The following SGCZ variants were observed in gnomAD, a reference collection of about 807,000 sequenced individuals.
SGCZ encodes the protein sarcoglycan zeta.
In SGCZ, 40 loss-of-function variants were observed where a neutral mutation model predicts 41.3. The observed-to-expected ratio is 0.97, with a 90% confidence interval of 0.75 to 1.26. The LOEUF is 1.26. SGCZ is among the 50% of genes most tolerant of loss of function. The probability of loss-of-function intolerance (pLI) is 0.00; values close to 1 mark genes in which losing one functional copy is unlikely to be tolerated. For missense variants in SGCZ, 552 were observed against 369.8 expected (o/e 1.49, Z -4.04); for synonymous variants, 206 against 137.5 (o/e 1.50, Z -3.49).
chr8:14,898,241 T>G (rs140318821), intron 1 of SGCZ, among the ~76,000 whole-genome samples: 2 of 152,090 alleles, frequency 1.3e-5, no homozygotes, highest in Non-Finnish European at 2.9e-5. Context: ...TGAGCCACCA[T>G]ATGCGGCCAG....
intron 1 of SGCZ, among the ~76,000 whole-genome samples, chr8:14,861,638 A>G (rs917496656): frequency 6.6e-6 from 1 of 152,252 alleles, no homozygotes; most frequent in Middle Eastern, 3.4e-3. Context: ...GATTCCGTAA[A>G]AGATAGAAAC....
At chr8:14,779,402 A>T (rs2130428517) in intron 1 of SGCZ, among the ~76,000 whole-genome samples, 1 of 152,242 alleles carries the variant, frequency 6.6e-6, no homozygotes, top group East Asian at 1.9e-4. Flanking sequence ...ATGCCCTTTG[A>T]AAGTGCATCC....
At chr8:14,870,646 G>T (rs1245835232) in intron 1 of SGCZ, among the ~76,000 whole-genome samples, 1 of 151,960 alleles carries the variant, frequency 6.6e-6, no homozygotes, top group Non-Finnish European at 1.5e-5. Context: ...AGAGTGAACA[G>T]GCAACCTACA....
intron 2 of SGCZ, among the ~76,000 whole-genome samples, chr8:14,402,296 G>C (rs1289924434): frequency 1.3e-5 from 2 of 151,220 alleles, no homozygotes; most frequent in Admixed American, 1.3e-4. Flanking sequence ...AGTTTAATTA[G>C]ATCCCATTTG....
intron 1 of SGCZ, among the ~76,000 whole-genome samples, chr8:14,566,555 T>G (rs1368928489): frequency 6.6e-6 from 1 of 152,256 alleles, no homozygotes; most frequent in Non-Finnish European, 1.5e-5. Flanking sequence ...ACCTATATCA[T>G]GAGTACAATT....
intron 3 of SGCZ, among the ~76,000 whole-genome samples, chr8:14,313,543 C>G (rs942079082): frequency 2.0e-5 from 3 of 152,108 alleles, no homozygotes; most frequent in Non-Finnish European, 2.9e-5. Context: ...TCTCAAACAC[C>G]CGACCTAAAA....
chr8:14,922,303 A>C (rs2130792913), intron 1 of SGCZ, among the ~76,000 whole-genome samples: 1 of 152,270 alleles, frequency 6.6e-6, no homozygotes, highest in South Asian at 2.1e-4. Flanking sequence ...CTGAAGGATT[A>C]AAGACAGTCT....
In SGCZ at chr8:14,906,246, G is replaced by C. The variant is rs558463675; in HGVS notation, c.39+331339C>G. Among the ~76,000 whole-genome samples, 162 of 152,170 alleles carry C rather than the reference G, an allele frequency of 1.1e-3. 2 individuals carry two copies. Among genetic ancestry groups the C allele is most frequent in the African/African-American group, 3.8e-3 (157 of 41,530 alleles). On this transcript the variant is annotated intron_variant, in intron 1 of 7. Transcript: ENST00000382080. Reference sequence around the variant, plus strand: ...GAGTTTTATATAAGGAACTGTTTGTGGAAAATATGAGGATCATAATAGCTT... The same window carrying C: ...GAGTTTTATATAAGGAACTGTTTGTCGAAAATATGAGGATCATAATAGCTT...
chr8:15,051,829 G>C (rs569913045), intron 1 of SGCZ, among the ~76,000 whole-genome samples: 4 of 152,238 alleles, frequency 2.6e-5, no homozygotes, highest in African/African-American at 9.6e-5. Flanking sequence ...GCATCAAAAA[G>C]TCAAACTGCA....
chr8:14,195,439 G>A (rs1014006647), intron 4 of SGCZ, among the ~76,000 whole-genome samples: 25 of 152,072 alleles, frequency 1.6e-4, no homozygotes, highest in African/African-American at 6.0e-4. Context: ...CACGTACTTA[G>A]AATTTGGAGT....
chr8:14,935,119 G>A (rs995975620), intron 1 of SGCZ, among the ~76,000 whole-genome samples: 3 of 151,270 alleles, frequency 2.0e-5, no homozygotes, highest in Non-Finnish European at 4.4e-5. Flanking sequence ...AAAAGTGCAA[G>A]TATAAATTAT....
chr8:14,957,740 G>A (rs1435071635), intron 1 of SGCZ, among the ~76,000 whole-genome samples: 1 of 151,882 alleles, frequency 6.6e-6, no homozygotes, highest in Non-Finnish European at 1.5e-5. Flanking sequence ...GTTACGTATT[G>A]TGAATATACA....
intron 1 of SGCZ, among the ~76,000 whole-genome samples, chr8:15,151,062 A>G (rs1476599316): frequency 6.6e-6 from 1 of 152,240 alleles, no homozygotes; most frequent in Non-Finnish European, 1.5e-5. Flanking sequence ...GTACATACAC[A>G]CAGACACACA....
intron 1 of SGCZ, among the ~76,000 whole-genome samples, chr8:15,103,083 C>G (rs865984137): frequency 1.3e-5 from 2 of 151,918 alleles, no homozygotes; most frequent in Non-Finnish European, 2.9e-5. Context: ...AAGGAGAGAT[C>G]GAAGAGTCCA....
chr8:15,234,251 G>A (rs540151879), intron 1 of SGCZ, among the ~76,000 whole-genome samples: 21 of 152,128 alleles, frequency 1.4e-4, no homozygotes, highest in Non-Finnish European at 2.9e-4. Context: ...CTGCTAAAAG[G>A]CACCCAGTAC....
chr8:14,556,177 A>G (rs981066979), intron 1 of SGCZ, among the ~76,000 whole-genome samples: 1 of 151,882 alleles, frequency 6.6e-6, no homozygotes, highest in Non-Finnish European at 1.5e-5. Context: ...ATTTATTACC[A>G]GAAGGATGGA....
chr8:15,118,631 A>G (rs1807361123), intron 1 of SGCZ, among the ~76,000 whole-genome samples: 3 of 152,200 alleles, frequency 2.0e-5, no homozygotes. Flanking sequence ...TAATGAAGTT[A>G]ATAGGTCAAT....
chr8:14,871,268 C>A (rs1043053587), intron 1 of SGCZ, among the ~76,000 whole-genome samples: 1 of 151,974 alleles, frequency 6.6e-6, no homozygotes, highest in South Asian at 2.1e-4. Context: ...GAAACAGGAA[C>A]CCTTTTACAC....
chr8:15,076,552 T>C (rs1168455556), intron 1 of SGCZ, among the ~76,000 whole-genome samples: 1 of 152,158 alleles, frequency 6.6e-6, no homozygotes, highest in South Asian at 2.1e-4. Context: ...GTCAATGAGA[T>C]AGGCTTTTAG....
Sources: allele counts gnomAD v4.1 joint callset (sites outside exome capture counted in the v4.1 genomes callset), GRCh38; gene constraint gnomAD v4.1.1; transcripts MANE v1.5; gene names NCBI Gene and HGNC (gene_info 2026-07-23, HGNC 2026-07-21).